XPR1: variants seen among roughly 807,000 people sequenced by gnomAD.
XPR1 encodes xenotropic and polytropic retrovirus receptor 1, also known as solute carrier family 53 member 1.
In XPR1, 28 loss-of-function variants were observed where a neutral mutation model predicts 87.5. The observed-to-expected ratio is 0.32, with a 90% confidence interval of 0.24 to 0.44. XPR1 has a LOEUF of 0.44. Ranked by LOEUF, XPR1 falls within the 20% of genes least tolerant of loss-of-function variation. XPR1 has a pLI of 1.00. For missense variants in XPR1, 559 were observed against 862.3 expected (o/e 0.65, Z 4.41); for synonymous variants, 300 against 306.1 (o/e 0.98, Z 0.21).
intron 11 of XPR1, among the ~76,000 whole-genome samples, chr1:180,852,913 C>T (rs1270186287): frequency 6.6e-6 from 1 of 152,122 alleles, no homozygotes; most frequent in East Asian, 1.9e-4. Flanking sequence ...ATAGATTAAA[C>T]TTTATCATAG....
intron 11 of XPR1, among the ~76,000 whole-genome samples, chr1:180,841,091 A>C (rs1651496720): frequency 6.6e-6 from 1 of 152,114 alleles, no homozygotes; most frequent in South Asian, 2.1e-4. Flanking sequence ...TAAAATGGTA[A>C]ATTTTGTTTG....
At position 180,747,548 on chromosome 1, in the gene XPR1, T is replaced by A. The variant is rs1647305661; in HGVS notation, c.122-40205T>A. On this transcript the variant is annotated intron_variant, in intron 2 of 14. Coordinates refer to ENST00000367590, the MANE Select transcript of XPR1 (RefSeq NM_004736.4). The stretch of plus-strand genomic sequence containing the variant: ...TATTTACTATTTCCCACCTAATGGA[T>A]TCTCAGTGAATAATGATAAGTTGAT... Among the ~76,000 whole-genome samples the A allele has an allele frequency of 3.9e-5, 6 of 152,332 alleles. No homozygotes were observed. The South Asian group carries it at 1.2e-3, about 32-fold the overall frequency.
In XPR1 at chr1:180,886,909, C is replaced by G. The variant is rs1558053181; in HGVS notation, c.*2843C>G. The stretch of plus-strand genomic sequence containing the variant: ...TGAACATCAGCTGGGCGCAGTGGCT[C>G]ACGTCTGTAATCCCAGCACTTTGGG... On this transcript the variant is annotated 3_prime_UTR_variant, in exon 15 of 15. Coordinates refer to ENST00000367590, the MANE Select transcript of XPR1 (RefSeq NM_004736.4). 6.6e-6 allele frequency: 1 copy of G among 152,272 alleles called. No individual in the cohort carries two copies. The highest frequency in any genetic ancestry group is 1.5e-5 in the Non-Finnish European group (1 of 68,088). 9.4% of individuals were successfully genotyped at this position (152,272 alleles called of 1,614,324 possible).
intron 7 of XPR1, among the ~76,000 whole-genome samples, chr1:180,822,896 A>G (rs1346698985): frequency 6.6e-6 from 1 of 152,214 alleles, no homozygotes; most frequent in Non-Finnish European, 1.5e-5. Flanking sequence ...AATCTTCTAT[A>G]TACTACAGAG....
intron 2 of XPR1, among the ~76,000 whole-genome samples, chr1:180,690,113 G>A (rs1470469023): frequency 2.6e-5 from 4 of 151,150 alleles, no homozygotes; most frequent in Non-Finnish European, 5.9e-5. Flanking sequence ...CTGAGATTGT[G>A]CCACTGCTCT....
At chr1:180,852,947 A>T (rs1012991910) in intron 11 of XPR1, among the ~76,000 whole-genome samples, 6 of 152,088 alleles carry the variant, frequency 3.9e-5, no homozygotes, top group African/African-American at 1.2e-4. Context: ...GGTTTCAGGC[A>T]CCAACTGGGG....
At chr1:180,797,690 ATAATT>A (rs1340133190) in intron 3 of XPR1, among the ~76,000 whole-genome samples, 3 of 152,190 alleles carry the variant, frequency 2.0e-5, no homozygotes, top group Non-Finnish European at 4.4e-5. Flanking sequence ...AGTCAGCAGA[ATAATT>A]TATAGTGGCC....
At chr1:180,716,211 A>G (rs556289194) in intron 2 of XPR1, among the ~76,000 whole-genome samples, 10 of 151,830 alleles carry the variant, frequency 6.6e-5, no homozygotes, top group Admixed American at 4.6e-4. Flanking sequence ...GCCTCGAACT[A>G]CTGGGCACAA....
intron 11 of XPR1, among the ~76,000 whole-genome samples, 188 bp from the exon 12 acceptor site, chr1:180,863,520 G>A (rs1652287549): frequency 6.6e-6 from 1 of 152,108 alleles, no homozygotes; most frequent in Non-Finnish European, 1.5e-5. Context: ...TTTGATGATT[G>A]CTTTGGACCT....
At chr1:180,654,438 T>C (rs1655384547) in intron 1 of XPR1, among the ~76,000 whole-genome samples, 1 of 152,172 alleles carries the variant, frequency 6.6e-6, no homozygotes. Context: ...ATTTATCACC[T>C]TAATCATTTT....
At chr1:180,857,921 A>G (rs955442335) in intron 11 of XPR1, among the ~76,000 whole-genome samples, 17 of 152,184 alleles carry the variant, frequency 1.1e-4, no homozygotes, top group African/African-American at 4.1e-4. Flanking sequence ...TTTTTATTAT[A>G]AAAACAATAT....
In XPR1 at chr1:180,691,858, G is replaced by A. The variant is rs144132694; in HGVS notation, c.121+9447G>A. ...CTAGATCTTTGTTGTTTTAACAGATGTGAGCTTGCTTTTTAATTCTGGAGA... is the reference window on the plus strand; with the variant it reads ...CTAGATCTTTGTTGTTTTAACAGATATGAGCTTGCTTTTTAATTCTGGAGA... On this transcript the variant is annotated intron_variant, in intron 2 of 14. Coordinates refer to ENST00000367590, the MANE Select transcript of XPR1 (RefSeq NM_004736.4). 4.6e-3 allele frequency among the ~76,000 whole-genome samples: 701 copies of A among 152,232 alleles called. 12 individuals are homozygous for A. The highest frequency in any genetic ancestry group is 0.016 in the African/African-American group (677 of 41,554).
chr1:180,852,309 G>C (rs1011554611), intron 11 of XPR1, among the ~76,000 whole-genome samples: 8 of 152,042 alleles, frequency 5.3e-5, no homozygotes, highest in South Asian at 4.1e-4. Context: ...AGTTTCCCCA[G>C]TGGTAACACT....
At chr1:180,713,414 A>C (rs1250921517) in intron 2 of XPR1, among the ~76,000 whole-genome samples, 1 of 152,202 alleles carries the variant, frequency 6.6e-6, no homozygotes, top group Non-Finnish European at 1.5e-5. Context: ...TTTTCTATAT[A>C]GACCAAGTGT....
intron 7 of XPR1, among the ~76,000 whole-genome samples, chr1:180,813,384 C>T (rs1650295990): frequency 6.6e-6 from 1 of 152,156 alleles, no homozygotes; most frequent in African/African-American, 2.4e-5. Context: ...CCCTGATCAC[C>T]CAACCCTAAA....
chr1:180,675,654 T>C (rs887483831), intron 1 of XPR1, among the ~76,000 whole-genome samples: 1 of 152,190 alleles, frequency 6.6e-6, no homozygotes, highest in Non-Finnish European at 1.5e-5. Context: ...CATTGATTTA[T>C]TTACTATACA....
chr1:180,792,330 T>C (rs1214131203), intron 3 of XPR1, among the ~76,000 whole-genome samples: 1 of 152,236 alleles, frequency 6.6e-6, no homozygotes, highest in African/African-American at 2.4e-5. Flanking sequence ...ATTTTGTCTG[T>C]TTCTAGTCAT....
At chr1:180,714,567 G>C (rs983477691) in intron 2 of XPR1, among the ~76,000 whole-genome samples, 2 of 151,828 alleles carry the variant, frequency 1.3e-5, no homozygotes, top group African/African-American at 4.8e-5. Context: ...ACCATGCCCA[G>C]CTAAGTCTTC....
At chr1:180,664,233 G>T (rs1655883038) in intron 1 of XPR1, among the ~76,000 whole-genome samples, 1 of 152,188 alleles carries the variant, frequency 6.6e-6, no homozygotes, top group Non-Finnish European at 1.5e-5. Flanking sequence ...CCACAGCTGT[G>T]AATGTGCCGG....
Sources: allele counts gnomAD v4.1 joint callset (sites outside exome capture counted in the v4.1 genomes callset), GRCh38; gene constraint gnomAD v4.1.1; transcripts MANE v1.5; gene names NCBI Gene and HGNC (gene_info 2026-07-23, HGNC 2026-07-21).